The following RTN1 variants were observed in gnomAD, a reference collection of about 807,000 sequenced individuals.
RTN1 encodes the protein reticulon-1.
A neutral mutation model predicts 65.5 loss-of-function variants in RTN1; 25 were observed. The ratio of observed to expected loss-of-function variants is 0.38; its 90% confidence interval spans 0.28 to 0.53. The LOEUF (loss-of-function observed/expected upper bound fraction) is 0.53. Among genes scored for constraint, RTN1 ranks in the 20% least tolerant of loss-of-function variants. The pLI is 0.79. For synonymous variants in RTN1, 471 were observed against 447.6 expected (o/e 1.05, Z -0.66); for missense variants, 983 against 1,025.4 (o/e 0.96, Z 0.57).
intron 1 of RTN1, among the ~76,000 whole-genome samples, chr14:59,807,681 C>T (rs1312489363): frequency 6.6e-6 from 1 of 152,122 alleles, no homozygotes; most frequent in Non-Finnish European, 1.5e-5. Flanking sequence ...TTAGATGGAA[C>T]TGGGATGGAG....
chr14:59,826,234 G>A (rs1429268802), intron 1 of RTN1, among the ~76,000 whole-genome samples: 3 of 152,176 alleles, frequency 2.0e-5, no homozygotes, highest in African/African-American at 7.2e-5. Flanking sequence ...TAGACCAGCT[G>A]TACCACTAAA....
At chr14:59,805,182 C>T (rs1000015672) in intron 1 of RTN1, among the ~76,000 whole-genome samples, 1 of 152,174 alleles carries the variant, frequency 6.6e-6, no homozygotes, top group Non-Finnish European at 1.5e-5. Flanking sequence ...CTTCCTTAAT[C>T]ACTCCATCTA....
intron 1 of RTN1, among the ~76,000 whole-genome samples, chr14:59,831,129 A>C (rs1555362417): frequency 6.6e-6 from 1 of 152,190 alleles, no homozygotes; most frequent in Non-Finnish European, 1.5e-5. Context: ...AGAAGGACAT[A>C]CCTCTTCAAC....
chr14:59,820,455 T>C (rs1421846036), intron 1 of RTN1, among the ~76,000 whole-genome samples: 1 of 151,166 alleles, frequency 6.6e-6, no homozygotes. Flanking sequence ...TTTTGGAGAC[T>C]TTGTCATGAA....
intron 3 of RTN1, among the ~76,000 whole-genome samples, chr14:59,658,992 G>C (rs1476734434): frequency 6.6e-6 from 1 of 152,004 alleles, no homozygotes; most frequent in African/African-American, 2.4e-5. Context: ...CGTGAAAAAA[G>C]GTTAGACGAA....
At chr14:59,754,293 G>T (rs887443940) in intron 1 of RTN1, among the ~76,000 whole-genome samples, 1 of 152,066 alleles carries the variant, frequency 6.6e-6, no homozygotes, top group Non-Finnish European at 1.5e-5. Context: ...TCTCATAAAG[G>T]GTAGGTGTTT....
In RTN1 at chr14:59,695,251, T is replaced by C. The variant is rs569741711; in HGVS notation, c.1765+31668A>G. 3.9e-5 allele frequency among the ~76,000 whole-genome samples: 6 copies of C among 152,210 alleles called. No homozygotes were observed. In the South Asian group the frequency reaches 6.2e-4, roughly 16 times the overall value. ...GAAGAACGTTCTCTTTACCACTCCC[T>C]AGGCTTATGATAAGAAAGTGATAGA... On this transcript the variant is annotated intron_variant, in intron 3 of 8. Transcript: ENST00000267484.
At chr14:59,656,220 G>A (rs965788726) in intron 3 of RTN1, among the ~76,000 whole-genome samples, 2 of 151,530 alleles carry the variant, frequency 1.3e-5, no homozygotes, top group Non-Finnish European at 2.9e-5. Context: ...GAGGTGGGGG[G>A]AATGAGAAAT....
intron 1 of RTN1, among the ~76,000 whole-genome samples, chr14:59,753,021 C>T (rs1372438566): frequency 6.6e-6 from 1 of 152,282 alleles, no homozygotes; most frequent in Non-Finnish European, 1.5e-5. Context: ...TCCCTTCCAA[C>T]TTTCCATGAT....
chr14:59,751,357 C>T (rs913273025), intron 1 of RTN1, among the ~76,000 whole-genome samples: 1 of 152,048 alleles, frequency 6.6e-6, no homozygotes, highest in South Asian at 2.1e-4. Context: ...GGTGCACACA[C>T]ACCTTTATCC....
chr14:59,651,059 A>C (rs760458768), intron 3 of RTN1, among the ~76,000 whole-genome samples: 57 of 152,148 alleles, frequency 3.7e-4, no homozygotes, highest in Non-Finnish European at 7.4e-4. Flanking sequence ...TGGAACCAAA[A>C]AAGAACCTGA....
intron 5 of RTN1, 111 bp downstream of exon 5, chr14:59,605,257 A>C (rs1881705628): frequency 4.3e-6 from 5 of 1,174,850 alleles, no homozygotes; most frequent in Non-Finnish European, 4.8e-6. Context: ...CTGACTCTAG[A>C]ATATAATTAG....
intron 3 of RTN1, among the ~76,000 whole-genome samples, chr14:59,634,106 T>C (rs1434414715): frequency 3.3e-5 from 5 of 151,914 alleles, no homozygotes; most frequent in African/African-American, 1.2e-4. Flanking sequence ...ATAAAGCACA[T>C]AAAAGAGGAC....
intron 3 of RTN1, among the ~76,000 whole-genome samples, chr14:59,652,534 C>T (rs765315067): frequency 6.6e-6 from 1 of 152,088 alleles, no homozygotes; most frequent in Non-Finnish European, 1.5e-5. Flanking sequence ...TGCAGGATCA[C>T]GAATGGAGCT....
At chr14:59,759,089 A>G (rs1401567785) in intron 1 of RTN1, among the ~76,000 whole-genome samples, 1 of 152,176 alleles carries the variant, frequency 6.6e-6, no homozygotes, top group Non-Finnish European at 1.5e-5. Context: ...GGCACATCAT[A>G]TATCCTGATT....
At chr14:59,838,149 T>A (rs906297818) in intron 1 of RTN1, among the ~76,000 whole-genome samples, 1 of 152,220 alleles carries the variant, frequency 6.6e-6, no homozygotes, top group African/African-American at 2.4e-5. Flanking sequence ...CCTGTCTTTA[T>A]GTCCATGTAT....
chr14:59,788,905 T>C (rs995875339), intron 1 of RTN1, among the ~76,000 whole-genome samples: 2 of 152,130 alleles, frequency 1.3e-5, no homozygotes, highest in Non-Finnish European at 2.9e-5. Flanking sequence ...TAGAGGTCAA[T>C]TTAGGAAAAA....
At chr14:59,818,429 G>C (rs902461445) in intron 1 of RTN1, among the ~76,000 whole-genome samples, 2 of 152,190 alleles carry the variant, frequency 1.3e-5, no homozygotes, top group Non-Finnish European at 2.9e-5. Context: ...AATAAGAATG[G>C]AATCCTCTTC....
chr14:59,604,923 G>A (rs1259080124), intron 5 of RTN1: 2 of 152,476 alleles, frequency 1.3e-5, no homozygotes, highest in Admixed American at 1.3e-4. Flanking sequence ...AACTACATAA[G>A]CACACTTGGA....
Sources: allele counts gnomAD v4.1 joint callset (sites outside exome capture counted in the v4.1 genomes callset), GRCh38; gene constraint gnomAD v4.1.1; transcripts MANE v1.5; gene names NCBI Gene and HGNC (gene_info 2026-07-23, HGNC 2026-07-21).